The following DGKB variants were observed in gnomAD, a reference collection of about 807,000 sequenced individuals.
The protein encoded by DGKB is diacylglycerol kinase beta.
DGKB carries 67 observed loss-of-function variants against 114.3 expected under a neutral mutation model. That is an observed-to-expected ratio of 0.59 (90% CI 0.48 to 0.72). DGKB has a LOEUF of 0.72. DGKB is among the 30% of genes least tolerant of loss of function. The probability of loss-of-function intolerance (pLI) is 0.00; values close to 1 mark genes in which losing one functional copy is unlikely to be tolerated. For synonymous variants in DGKB, 398 were observed against 323.1 expected, an observed-to-expected ratio of 1.23 and a Z score of -2.49; for missense variants, 907 against 975.2, an observed-to-expected ratio of 0.93 and a Z score of 0.93.
chr7:14,164,499 C>T (rs982802463), intron 25 of DGKB, among the ~76,000 whole-genome samples: 4 of 152,138 alleles, frequency 2.6e-5, no homozygotes, highest in East Asian at 1.9e-4. Context: ...TGTAACTATG[C>T]GGATAAACTT....
At chr7:14,283,041 G>A (rs188598222) in intron 23 of DGKB, among the ~76,000 whole-genome samples, 2 of 151,780 alleles carry the variant, frequency 1.3e-5, no homozygotes, top group African/African-American at 4.8e-5. Flanking sequence ...GGAAATAAGG[G>A]GTATTCAATT....
intron 20 of DGKB, among the ~76,000 whole-genome samples, chr7:14,505,419 A>G (rs2128962372): frequency 6.6e-6 from 1 of 152,022 alleles, no homozygotes; most frequent in African/African-American, 2.4e-5. Context: ...GTGCCACTGC[A>G]GCCCAGTCTG....
intron 14 of DGKB, among the ~76,000 whole-genome samples, chr7:14,622,838 A>G (rs1317238773): frequency 6.6e-6 from 1 of 152,134 alleles, no homozygotes; most frequent in African/African-American, 2.4e-5. Flanking sequence ...GAGCTCTTGC[A>G]ATCATTCTGC....
At chr7:14,968,072 C>T (rs1441215476) in intron 1 of DGKB, among the ~76,000 whole-genome samples, 1 of 152,062 alleles carries the variant, frequency 6.6e-6, no homozygotes, top group African/African-American at 2.4e-5. Flanking sequence ...GTCCATTTCT[C>T]CTTAATGCTA....
upstream of DGKB, among the ~76,000 whole-genome samples, chr7:14,906,260 T>C (rs1783698996): frequency 6.6e-6 from 1 of 151,860 alleles, no homozygotes; most frequent in Non-Finnish European, 1.5e-5. Flanking sequence ...CATTTATGTG[T>C]GCTTGTTCCT....
chr7:14,468,967 C>T (rs75837825), intron 21 of DGKB, among the ~76,000 whole-genome samples: 8,102 of 151,886 alleles, frequency 0.053, 703 homozygotes, highest in African/African-American at 0.18. Flanking sequence ...AAAATATTTG[C>T]ATGGAAATGA....
At chr7:14,693,981 G>T in intron 9 of DGKB, 94 bp downstream of exon 9, 1 of 1,415,254 alleles carries the variant, frequency 7.1e-7, no homozygotes, top group Non-Finnish European at 9.5e-7. Context: ...ATGCTTAATG[G>T]TAGAAAATGG....
chr7:14,793,279 C>A lies in DGKB; in HGVS notation c.71-35548G>T, dbSNP rs538153759. Among the ~76,000 whole-genome samples the A allele has an allele frequency of 4.6e-5, 7 of 152,198 alleles. No homozygotes were observed. The East Asian group carries it at 1.4e-3, about 29-fold the overall frequency. ...AATGTCATGTAAAATTGTTTAGATT[C>A]AGAAAAGACAATGGTTGAATTGCTC... On this transcript the variant is annotated intron_variant, in intron 2 of 25. Transcript: ENST00000402815.
chr7:14,256,939 G>A (rs1256337372), intron 23 of DGKB, among the ~76,000 whole-genome samples: 2 of 152,132 alleles, frequency 1.3e-5, no homozygotes, highest in Non-Finnish European at 2.9e-5. Flanking sequence ...GTTGAGGTGG[G>A]AGAATTGCTG....
chr7:14,855,472 T>C (rs1457151163), intron 1 of DGKB, among the ~76,000 whole-genome samples: 1 of 152,146 alleles, frequency 6.6e-6, no homozygotes, highest in Non-Finnish European at 1.5e-5. Flanking sequence ...TGTATTTGCA[T>C]TGACCAACAG....
At chr7:14,415,530 T>C (rs1210537047) in intron 21 of DGKB, among the ~76,000 whole-genome samples, 1 of 151,856 alleles carries the variant, frequency 6.6e-6, no homozygotes, top group East Asian at 1.9e-4. Context: ...GTTTGGTTTT[T>C]TGTTCTTGCG....
chr7:14,800,574 T>C (rs754943828), intron 2 of DGKB, among the ~76,000 whole-genome samples: 5 of 152,230 alleles, frequency 3.3e-5, no homozygotes, highest in Non-Finnish European at 5.9e-5. Context: ...GCTCCTCAGC[T>C]TGCAGACAGC....
chr7:14,457,094 T>C (rs1483713223), intron 21 of DGKB, among the ~76,000 whole-genome samples: 2 of 152,144 alleles, frequency 1.3e-5, no homozygotes, highest in East Asian at 3.8e-4. Context: ...ATATCAGCTT[T>C]GTCAAATAAA....
chr7:14,306,314 C>G (rs532505542), intron 23 of DGKB, among the ~76,000 whole-genome samples: 4 of 151,606 alleles, frequency 2.6e-5, no homozygotes, highest in Non-Finnish European at 4.4e-5. Context: ...AAGAAAGGAA[C>G]AAAATAAAAA....
intron 13 of DGKB, among the ~76,000 whole-genome samples, chr7:14,647,185 A>G (rs1370123540): frequency 1.3e-5 from 2 of 152,154 alleles, no homozygotes; most frequent in African/African-American, 4.8e-5. Flanking sequence ...GAACAACTAT[A>G]CACTACCACA....
chr7:14,606,867 A>T (rs1056335457), intron 17 of DGKB, among the ~76,000 whole-genome samples: 2 of 152,048 alleles, frequency 1.3e-5, no homozygotes, highest in African/African-American at 2.4e-5. Context: ...TTTGGTAAGT[A>T]GTAAATGAAA....
intron 13 of DGKB, among the ~76,000 whole-genome samples, chr7:14,647,948 A>T (rs1813449115): frequency 6.6e-6 from 1 of 152,230 alleles, no homozygotes; most frequent in Admixed American, 6.5e-5. Context: ...GGCTTAAAAA[A>T]TGGCGCACCA....
At chr7:14,472,818 G>A (rs1485070787) in intron 21 of DGKB, among the ~76,000 whole-genome samples, 1 of 152,166 alleles carries the variant, frequency 6.6e-6, no homozygotes, top group Non-Finnish European at 1.5e-5. Flanking sequence ...AAAGAGACTG[G>A]TGGCACTTTG....
At chr7:14,193,141 GC>G (rs1283789013) in intron 23 of DGKB, among the ~76,000 whole-genome samples, 2 of 150,962 alleles carry the variant, frequency 1.3e-5, no homozygotes, top group South Asian at 4.2e-4. Context: ...CCTGTTTGTG[GC>G]CTGGGGGTTA....
Sources: allele counts gnomAD v4.1 joint callset (sites outside exome capture counted in the v4.1 genomes callset), GRCh38; gene constraint gnomAD v4.1.1; transcripts MANE v1.5; gene names NCBI Gene and HGNC (gene_info 2026-07-23, HGNC 2026-07-21).